The following TNPO1 variants were observed in gnomAD, a reference collection of about 807,000 sequenced individuals.
The protein encoded by TNPO1 is transportin-1.
TNPO1 carries 8 observed loss-of-function variants against 119.5 expected under a neutral mutation model. That is an observed-to-expected ratio of 0.07 (90% CI 0.04 to 0.12). The LOEUF is 0.12. Among genes scored for constraint, TNPO1 ranks in the 10% least tolerant of loss-of-function variants. The pLI, the probability that TNPO1 is intolerant of heterozygous loss-of-function variation, is 1.00. For missense variants in TNPO1, 576 were observed against 1,089.8 expected (o/e 0.53, Z 6.64); for synonymous variants, 362 against 363.0 (o/e 1.00, Z 0.03).
chr5:72,903,966 A>T (rs1347501831), intron 23 of TNPO1, among the ~76,000 whole-genome samples, 183 bp downstream of exon 23: 2 of 152,094 alleles, frequency 1.3e-5, no homozygotes, highest in Non-Finnish European at 1.5e-5. Flanking sequence ...TACAGCAGTG[A>T]CTCTTATCTG....
intron 4 of TNPO1, among the ~76,000 whole-genome samples, chr5:72,857,521 G>A (rs1033049685): frequency 4.6e-5 from 7 of 152,134 alleles, no homozygotes; most frequent in Admixed American, 2.6e-4. Flanking sequence ...GTACTCTTAC[G>A]TACCTTAAGG....
chr5:72,901,946 G>A lies in TNPO1; in HGVS notation c.2514+873G>A, dbSNP rs6868267. ...AAAAAATTAGCCAGGCTTGGTGGCA[G>A]GTGCCTGTAATCCCAGCTCTCGGGA... On this transcript the variant is annotated intron_variant, in intron 22 of 24. Coordinates refer to ENST00000337273, the MANE Select transcript of TNPO1 (RefSeq NM_002270.4). Among the ~76,000 whole-genome samples the A allele has an allele frequency of 2.0e-3, 303 of 152,130 alleles. 3 individuals carry two copies. The highest frequency in any genetic ancestry group is 7.1e-3 in the African/African-American group (293 of 41,518).
At chr5:72,867,275 A>G (rs756973023) in intron 6 of TNPO1, among the ~76,000 whole-genome samples, 6 of 152,194 alleles carry the variant, frequency 3.9e-5, no homozygotes, top group Admixed American at 2.6e-4. Context: ...GGTAATAACT[A>G]TCTACTGTAA....
intron 18 of TNPO1, among the ~76,000 whole-genome samples, chr5:72,896,088 A>C (rs1749408531): frequency 6.6e-6 from 1 of 152,122 alleles, no homozygotes; most frequent in South Asian, 2.1e-4. Context: ...AAATTGCTTT[A>C]AAAGCCAAAA....
intron 1 of TNPO1, among the ~76,000 whole-genome samples, chr5:72,845,180 A>G (rs1745078106): frequency 6.6e-6 from 1 of 151,860 alleles, no homozygotes; most frequent in Non-Finnish European, 1.5e-5. Context: ...CGAAATTTGA[A>G]GTACTACTTC....
At chr5:72,825,089 A>G (rs155431) in intron 1 of TNPO1, among the ~76,000 whole-genome samples, 1 of 151,954 alleles carries the variant, frequency 6.6e-6, no homozygotes, top group African/African-American at 2.4e-5. Context: ...CGAAAATCCT[A>G]TCATGCCTCA....
At chr5:72,881,286 T>C (rs1748227190) in intron 9 of TNPO1, among the ~76,000 whole-genome samples, 1 of 152,108 alleles carries the variant, frequency 6.6e-6, no homozygotes. Flanking sequence ...AATTTTTGTA[T>C]TTTTAGTAGA....
At chr5:72,882,358 A>G in intron 9 of TNPO1, 109 bp from the exon 10 acceptor site, 1 of 740,206 alleles carries the variant, frequency 1.4e-6, no homozygotes, top group Non-Finnish European at 2.2e-6. Flanking sequence ...CAAAGACAAT[A>G]TTACCATTGA....
chr5:72,831,431 A>G (rs1390515675), intron 1 of TNPO1, among the ~76,000 whole-genome samples: 1 of 151,990 alleles, frequency 6.6e-6, no homozygotes, highest in Non-Finnish European at 1.5e-5. Context: ...TATGTCTGAT[A>G]TAAAATAAAA....
intron 18 of TNPO1, among the ~76,000 whole-genome samples, chr5:72,894,087 G>A (rs1301026052): frequency 6.6e-6 from 1 of 152,184 alleles, no homozygotes; most frequent in African/African-American, 2.4e-5. Flanking sequence ...TAGCAAACCA[G>A]CATACTTTTT....
At chr5:72,899,009 C>T (rs928164903) in intron 20 of TNPO1, among the ~76,000 whole-genome samples, 4 of 151,720 alleles carry the variant, frequency 2.6e-5, no homozygotes. Context: ...ATGTACGTAC[C>T]TTTGAATTGC....
chr5:72,885,556 G>A (rs1490218712), intron 11 of TNPO1, among the ~76,000 whole-genome samples: 1 of 152,162 alleles, frequency 6.6e-6, no homozygotes, highest in Non-Finnish European at 1.5e-5. Context: ...TATGTACTCT[G>A]CTGCTTTCTT....
chr5:72,819,660 A>G (rs530529255), intron 1 of TNPO1, among the ~76,000 whole-genome samples: 1 of 152,234 alleles, frequency 6.6e-6, no homozygotes, highest in African/African-American at 2.4e-5. Context: ...CCGTGAGACC[A>G]TAAAGTTGGG....
Position 72,913,571 on chromosome 5 carries a change from G to C in TNPO1, c.*4898G>C, listed in dbSNP as rs1750699324. The C allele has an allele frequency of 6.6e-6, 1 of 152,416 alleles. No homozygotes were observed. Among genetic ancestry groups the C allele is most frequent in the South Asian group, 2.1e-4 (1 of 4,834 alleles). 9.4% of individuals were successfully genotyped at this position (152,416 alleles called of 1,614,324 possible). On this transcript the variant is annotated 3_prime_UTR_variant, in exon 25 of 25. Transcript: ENST00000337273. Reference sequence around the variant, plus strand: ...TTGCCAAGCAGTGTATCACTAATAAGAAAAGCAGTTTTTCCTTTTATTGCA... The same window carrying C: ...TTGCCAAGCAGTGTATCACTAATAACAAAAGCAGTTTTTCCTTTTATTGCA...
intron 1 of TNPO1, among the ~76,000 whole-genome samples, chr5:72,845,900 A>C (rs1745104960): frequency 6.6e-6 from 1 of 152,172 alleles, no homozygotes; most frequent in Non-Finnish European, 1.5e-5. Context: ...TGAGTGGGCT[A>C]TCTGAATGTC....
intron 3 of TNPO1, 59 bp from the exon 4 acceptor site, chr5:72,855,715 C>T (rs560179715): frequency 7.5e-5 from 104 of 1,395,578 alleles, no homozygotes; most frequent in South Asian, 1.1e-4. Context: ...TAAAACTTAT[C>T]GGCACATTTT....
At position 72,817,637 on chromosome 5, in the gene TNPO1, T is replaced by C. The variant is rs183895832; in HGVS notation, c.15+885T>C. On this transcript the variant is annotated intron_variant, in intron 1 of 24. Coordinates refer to ENST00000337273, the MANE Select transcript of TNPO1 (RefSeq NM_002270.4). ...TACAAATTGATTTTGACAGCTGTAT[T>C]AAGAAGCTTAATAACTGTCCTTTGA... Among the ~76,000 whole-genome samples the C allele has an allele frequency of 6.8e-4, 104 of 152,320 alleles. 1 individual carries two copies. The highest frequency in any genetic ancestry group is 2.5e-3 in the African/African-American group (102 of 41,574).
chr5:72,889,342 G>A (rs1748884792), intron 13 of TNPO1, among the ~76,000 whole-genome samples: 1 of 152,198 alleles, frequency 6.6e-6, no homozygotes, highest in Non-Finnish European at 1.5e-5. Flanking sequence ...GCAGGCGTGA[G>A]CCACCGCGCC....
At chr5:72,843,530 G>A (rs1319250351) in intron 1 of TNPO1, among the ~76,000 whole-genome samples, 3 of 151,210 alleles carry the variant, frequency 2.0e-5, no homozygotes, top group African/African-American at 4.9e-5. Flanking sequence ...AGAGGCGGAC[G>A]TTGCAGTGAG....
Sources: gnomAD v4.1 joint callset for allele counts (sites outside exome capture counted in the v4.1 genomes callset) on GRCh38, gnomAD v4.1.1 for gene constraint, MANE v1.5 for transcripts, NCBI Gene and HGNC (gene_info 2026-07-23, HGNC 2026-07-21) for gene names.